WWOX: variants seen among roughly 807,000 people sequenced by gnomAD.
WWOX encodes the protein WW domain-containing oxidoreductase.
A neutral mutation model predicts 46.2 loss-of-function variants in WWOX; 69 were observed. The observed-to-expected ratio is 1.49, with a 90% CI of 1.23 to 1.82. The LOEUF is 1.82. Among genes scored for constraint, WWOX ranks in the 40% most tolerant of loss-of-function variants. WWOX has a pLI of 0.00. For synonymous variants in WWOX, 359 were observed against 202.6 expected (o/e 1.77, Z -6.56); for missense variants, 919 against 542.6 (o/e 1.69, Z -6.89).
chr16:78,921,687 G>C (rs2045383437), intron 8 of WWOX, among the ~76,000 whole-genome samples: 1 of 152,142 alleles, frequency 6.6e-6, no homozygotes, highest in Non-Finnish European at 1.5e-5. Context: ...CTCCTTCTGA[G>C]TACTAACTGT....
chr16:78,956,776 C>T (rs1389575619), intron 8 of WWOX, among the ~76,000 whole-genome samples: 1 of 152,152 alleles, frequency 6.6e-6, no homozygotes, highest in Non-Finnish European at 1.5e-5. Flanking sequence ...AGCCCAGCCT[C>T]AGACCTGTAG....
At chr16:78,653,611 T>A (rs1378067487) in intron 8 of WWOX, among the ~76,000 whole-genome samples, 1 of 152,204 alleles carries the variant, frequency 6.6e-6, no homozygotes, top group Non-Finnish European at 1.5e-5. Context: ...GTTGCCAGCT[T>A]GGGTTTGGAC....
chr16:78,967,425 A>G (rs888064855), intron 8 of WWOX, among the ~76,000 whole-genome samples: 3 of 146,808 alleles, frequency 2.0e-5, no homozygotes, highest in Non-Finnish European at 4.5e-5. Flanking sequence ...CTGGGACCAC[A>G]AGTATGCACC....
At chr16:78,882,697 C>G (rs2044368980) in intron 8 of WWOX, among the ~76,000 whole-genome samples, 1 of 152,026 alleles carries the variant, frequency 6.6e-6, no homozygotes, top group Non-Finnish European at 1.5e-5. Context: ...CCTTGCTGGC[C>G]AGGCTGGCCT....
intron 8 of WWOX, among the ~76,000 whole-genome samples, chr16:78,460,158 C>G (rs549037264): frequency 2.0e-5 from 3 of 148,396 alleles, no homozygotes; most frequent in Non-Finnish European, 4.5e-5. Flanking sequence ...TAAAGAGTCT[C>G]GCTCTTTTCC....
At chr16:78,472,033 G>C (rs1282005332) in intron 8 of WWOX, among the ~76,000 whole-genome samples, 1 of 152,098 alleles carries the variant, frequency 6.6e-6, no homozygotes, top group Non-Finnish European at 1.5e-5. Flanking sequence ...TGATTATTCT[G>C]GTTAGGTGTT....
chr16:78,842,100 A>G (rs899995269), intron 8 of WWOX, among the ~76,000 whole-genome samples: 1 of 152,144 alleles, frequency 6.6e-6, no homozygotes, highest in Non-Finnish European at 1.5e-5. Flanking sequence ...TGTGTTTTGA[A>G]CTGAGATTAG....
chr16:78,915,657 C>G (rs959661824), intron 8 of WWOX, among the ~76,000 whole-genome samples: 5 of 150,698 alleles, frequency 3.3e-5, no homozygotes, highest in African/African-American at 4.9e-5. Flanking sequence ...AGTTTCTTAC[C>G]GTTTGGGGAA....
intron 8 of WWOX, among the ~76,000 whole-genome samples, chr16:78,929,946 C>T (rs996857661): frequency 5.3e-5 from 8 of 152,158 alleles, no homozygotes; most frequent in Non-Finnish European, 7.3e-5. Context: ...TAAAAATTCC[C>T]TGTGCTAACT....
chr16:78,191,296 T>C (rs182777371), intron 5 of WWOX, among the ~76,000 whole-genome samples: 144 of 152,316 alleles, frequency 9.5e-4, no homozygotes, highest in Non-Finnish European at 1.7e-3. Context: ...GGCTGGGATT[T>C]AGCCCTACCT....
rs148661660 is a variant in WWOX, at chr16:78,705,467, C to T, written c.1056+272715C>T. Among the ~76,000 whole-genome samples the T allele has an allele frequency of 3.3e-3, 496 of 152,312 alleles. 3 individuals carry two copies. The highest frequency in any genetic ancestry group is 0.011 in the African/African-American group (477 of 41,570). On this transcript the variant is annotated intron_variant, in intron 8 of 8. Transcript: ENST00000566780. ...CCCAAGTGGAGGCTCCTTCTTTGTT[C>T]TGTCATCAGTTTGTCAGTTGTCAAT... is the stretch of plus-strand genomic sequence containing the variant.
intron 8 of WWOX, among the ~76,000 whole-genome samples, chr16:79,175,576 A>T (rs1390438106): frequency 6.6e-6 from 1 of 152,068 alleles, no homozygotes; most frequent in Non-Finnish European, 1.5e-5. Flanking sequence ...AATCCCAGGG[A>T]GTGGAAAATG....
chr16:79,005,347 C>T (rs2047170318), intron 8 of WWOX, among the ~76,000 whole-genome samples: 1 of 152,152 alleles, frequency 6.6e-6, no homozygotes, highest in Non-Finnish European at 1.5e-5. Flanking sequence ...AGGCTAAGCA[C>T]AGTCACAGAA....
intron 8 of WWOX, among the ~76,000 whole-genome samples, chr16:78,789,082 G>T (rs1026987648): frequency 6.6e-6 from 1 of 152,126 alleles, no homozygotes; most frequent in Non-Finnish European, 1.5e-5. Flanking sequence ...TTTGGGTGTT[G>T]TATCTAAGAA....
intron 8 of WWOX, among the ~76,000 whole-genome samples, chr16:78,632,246 T>C (rs1336790453): frequency 6.6e-6 from 1 of 152,200 alleles, no homozygotes; most frequent in Non-Finnish European, 1.5e-5. Context: ...TTAATACTAC[T>C]AGTATTTGCT....
chr16:79,064,465 C>T (rs1211698376), intron 8 of WWOX, among the ~76,000 whole-genome samples: 1 of 152,168 alleles, frequency 6.6e-6, no homozygotes, highest in South Asian at 2.1e-4. Flanking sequence ...AGAACCCATG[C>T]GTCGTCATCA....
intron 8 of WWOX, among the ~76,000 whole-genome samples, chr16:78,839,988 C>A (rs2052095000): frequency 6.6e-6 from 1 of 152,182 alleles, no homozygotes; most frequent in African/African-American, 2.4e-5. Flanking sequence ...CCTGATCCTC[C>A]ATTCCCTTTT....
At chr16:78,152,608 T>C (rs1335502855) in intron 4 of WWOX, among the ~76,000 whole-genome samples, 1 of 152,226 alleles carries the variant, frequency 6.6e-6, no homozygotes, top group Non-Finnish European at 1.5e-5. Flanking sequence ...CATGTGCCTG[T>C]CTAGGACCAT....
At chr16:78,182,552 C>T (rs1444427098) in intron 5 of WWOX, among the ~76,000 whole-genome samples, 1 of 152,018 alleles carries the variant, frequency 6.6e-6, no homozygotes, top group East Asian at 1.9e-4. Context: ...GCTTCTCTTT[C>T]CTGTCTCCTG....
Sources: gnomAD v4.1 joint callset for allele counts (sites outside exome capture counted in the v4.1 genomes callset) on GRCh38, gnomAD v4.1.1 for gene constraint, MANE v1.5 for transcripts, NCBI Gene and HGNC (gene_info 2026-07-23, HGNC 2026-07-21) for gene names.